Variants in EIF4G1 observed in about 807,000 individuals in gnomAD.
EIF4G1 encodes the protein EIF4-gamma.
A neutral mutation model predicts 187.8 loss-of-function variants in EIF4G1; 4 were observed. The observed-to-expected ratio is 0.02, with a 90% CI of 0.01 to 0.05. EIF4G1 has a LOEUF of 0.05. Ranked by LOEUF, EIF4G1 falls within the 10% of genes least tolerant of loss-of-function variation. The pLI is 1.00. For synonymous variants in EIF4G1, 844 were observed against 781.4 expected, an observed-to-expected ratio of 1.08 and a Z score of -1.34; for missense variants, 1,647 against 2,081.1, an observed-to-expected ratio of 0.79 and a Z score of 4.06.
rs1726907798 is a variant in EIF4G1, at chr3:184,335,304, G to A, written c.*396G>A. The A allele has an allele frequency of 4.1e-6, 1 of 243,510 alleles. No individual in the cohort carries two copies. Among genetic ancestry groups the A allele is most frequent in the African/African-American group, 2.2e-5 (1 of 44,748 alleles). 15.1% of individuals were successfully genotyped at this position (243,510 alleles called of 1,614,324 possible). On this transcript the variant is annotated 3_prime_UTR_variant, in exon 33 of 33. Coordinates refer to ENST00000346169, the MANE Select transcript of EIF4G1 (RefSeq NM_198241.3). ...ACCACCCCTGCTGTTGCCTGGGCAG[G>A]GGGAAGGGGGGGCACGGTGCCTGTA... is the stretch of plus-strand genomic sequence containing the variant.
Position 184,317,503 on chromosome 3 carries a change from G to T in EIF4G1, c.324+6G>T. On this transcript the variant is annotated splice_donor_region_variant and intron_variant, in intron 5 of 32. Coordinates refer to ENST00000346169, the MANE Select transcript of EIF4G1 (RefSeq NM_198241.3). ...CCTACTACATCCCTGGACAGGTGAG[G>T]CTGGGGGCTTGGAGCCTAGAAGCCA... 6.2e-7 allele frequency: 1 copy of T among 1,613,890 alleles called. No individual in the cohort carries two copies. Among genetic ancestry groups the T allele is most frequent in the Non-Finnish European group, 8.5e-7 (1 of 1,179,904 alleles).
In EIF4G1 at chr3:184,325,723, A is replaced by T. The variant is rs759526755; in HGVS notation, c.3121+84A>T. On this transcript the variant is annotated intron_variant, in intron 20 of 32. Coordinates refer to ENST00000346169, the MANE Select transcript of EIF4G1 (RefSeq NM_198241.3). This position sits in a 1 kb window ranked among gnomAD's most constrained non-coding sequence, Gnocchi z 5.2. ...CCTCTGATGACTTCCTGTTAGTGCC[A>T]CGTGTCTGGGCCACTGAGACACCAT... is the stretch of plus-strand genomic sequence containing the variant. The T allele has an allele frequency of 2.9e-5, 46 of 1,611,362 alleles. No homozygotes were observed. The highest frequency in any genetic ancestry group is 3.4e-5 in the Non-Finnish European group (40 of 1,177,708).
Position 184,321,665 on chromosome 3 carries a change from C to A in EIF4G1, c.1081C>A (p.Pro361Thr). ...ATCTCACACAGTGGAAATTCATGAGCCTAATGGCATGGTCCCATCTGAAGA... is the reference window on the plus strand; with the variant it reads ...ATCTCACACAGTGGAAATTCATGAGACTAATGGCATGGTCCCATCTGAAGA... The part of the protein sequence containing the change: ...LASHTVEIHE[P>T]NGMVPSEDLE... Residue 361 changes from proline to threonine, a missense_variant, in exon 10 of 33, where the codon CCT becomes ACT. Coordinates refer to ENST00000346169, the MANE Select transcript of EIF4G1 (RefSeq NM_198241.3). 1 of 1,603,966 alleles carries A rather than the reference C, an allele frequency of 6.2e-7. No homozygotes were observed. The highest frequency in any genetic ancestry group is 8.5e-7 in the Non-Finnish European group (1 of 1,173,820).
chr3:184,321,362 T>C lies in EIF4G1; in HGVS notation c.778T>C (p.Ser260Pro), dbSNP rs774914691. Residue 260 changes from serine to proline, a missense_variant, in exon 10 of 33, where the codon TCG becomes CCG. Ser to Pro is a moderately conservative substitution (Grantham distance 74). Transcript: ENST00000346169. ...PEHSPSESQP[S>P]SPSPTPSPSP... ...GCATAGCCCTTCAGAATCCCAGCCT[T>C]CGTCGCCTTCTCCGACCCCATCACC... 9.3e-6 allele frequency: 15 copies of C among 1,614,118 alleles called. No homozygotes were observed. Among genetic ancestry groups the C allele is most frequent in the Non-Finnish European group, 1.3e-5 (15 of 1,180,032 alleles).
chr3:184,335,143 A>G lies in EIF4G1; in HGVS notation c.*235A>G, dbSNP rs1726880343. 1.3e-5 allele frequency: 7 copies of G among 549,118 alleles called. No homozygotes were observed. Among genetic ancestry groups the G allele is most frequent in the Middle Eastern group, 4.9e-4 (1 of 2,036 alleles). The allele number at this position is 549,118 out of a possible 1,614,324, so 34.0% of individuals were successfully genotyped here. ...TGGGGCACAGAGATATATTATATAT[A>G]AAGTCTTGAAATTTGGTGTGTCTTG... is the stretch of plus-strand genomic sequence containing the variant. On this transcript the variant is annotated 3_prime_UTR_variant, in exon 33 of 33. Coordinates refer to ENST00000346169, the MANE Select transcript of EIF4G1 (RefSeq NM_198241.3).
rs199673780 is a variant in EIF4G1 at position 184,319,684 on chromosome 3, C to T, written c.425-5C>T. The T allele has an allele frequency of 1.3e-6, 2 of 1,574,366 alleles. No individual in the cohort carries two copies. Among genetic ancestry groups the T allele is most frequent in the Admixed American group, 1.8e-5 (1 of 54,208 alleles). ...ACCATTCTTCTCCGTCCCCCCTCCC[C>T]CAAGCTGGCGCCTACTATCCAGCCC... On this transcript the variant is annotated splice_region_variant and splice_polypyrimidine_tract_variant and intron_variant, in intron 6 of 32. Coordinates refer to ENST00000346169, the MANE Select transcript of EIF4G1 (RefSeq NM_198241.3).
intron 28 of EIF4G1, among the ~76,000 whole-genome samples, chr3:184,330,723 G>A (rs1416971693): frequency 1.3e-5 from 2 of 152,078 alleles, no homozygotes; most frequent in South Asian, 2.1e-4. Context: ...TGGTGGACAA[G>A]TTCTCTTTTA....
At chr3:184,332,183 A>G (rs151156046) in intron 32 of EIF4G1, 97 bp downstream of exon 32, 32 of 1,558,978 alleles carry the variant, frequency 2.1e-5, no homozygotes, top group African/African-American at 2.7e-5. Context: ...CAAGAAAGGT[A>G]GGTAGTCATT....
chr3:184,317,276 C>G, intron 4 of EIF4G1, 45 bp from the exon 5 acceptor site: 1 of 1,611,000 alleles, frequency 6.2e-7, no homozygotes, highest in Non-Finnish European at 8.5e-7. Flanking sequence ...TTTTTGTCCA[C>G]TTCCTTCTCT....
At chr3:184,329,822 A>G (rs1404460439) in intron 28 of EIF4G1, among the ~76,000 whole-genome samples, 7 of 152,196 alleles carry the variant, frequency 4.6e-5, no homozygotes. Context: ...ATAAAGGTAA[A>G]GAGATGGGGA....
chr3:184,316,212 C>T lies in EIF4G1; in HGVS notation c.141C>T (p.Pro47=). ...CACAAATGAACACGCCTTCTCAGCC[C>T]CGCCAGGTGAGGGGCTGTGGGGAGG... The part of the protein sequence containing the change: ...QATQMNTPSQ[P]RQHFYPSRAQ... Residue 47 remains proline, a synonymous_variant, in exon 4 of 33, where the codon CCC becomes CCT. Coordinates refer to ENST00000346169, the MANE Select transcript of EIF4G1 (RefSeq NM_198241.3). The T allele has an allele frequency of 3.1e-6, 5 of 1,614,088 alleles. No homozygotes were observed. Among genetic ancestry groups the T allele is most frequent in the Non-Finnish European group, 3.4e-6 (4 of 1,180,016 alleles).
chr3:184,317,219 C>A, intron 4 of EIF4G1, 102 bp from the exon 5 acceptor site: 1 of 1,363,490 alleles, frequency 7.3e-7, no homozygotes, highest in South Asian at 1.2e-5. Context: ...TGTTCTGAAG[C>A]CCACAGTACT....
rs766429596 is a variant in EIF4G1, at chr3:184,325,165, CACTGAGCCCACAATGATGGGGCGG to C, written c.2856+53_2856+76del. On this transcript the variant is annotated intron_variant, in intron 18 of 32. Coordinates refer to ENST00000346169, the MANE Select transcript of EIF4G1 (RefSeq NM_198241.3). This position sits in a 1 kb window ranked among gnomAD's most constrained non-coding sequence, Gnocchi z 5.2. ...GATGGGCTGAAGCATATGTGGGGCT[CACTGAGCCCACAATGATGGGGCGG>C]AAGGCCTGAGGAGGGGTGGGGCCTG... 4.4e-6 allele frequency: 7 copies of C among 1,602,050 alleles called. 1 individual carries two copies. In the Admixed American group the frequency reaches 5.0e-5, roughly 11 times the overall value.
rs1363955884 is a variant in EIF4G1, at chr3:184,326,936, A to G, written c.3381A>G (p.Gln1127=). The G allele has an allele frequency of 6.2e-7, 1 of 1,614,136 alleles. No homozygotes were observed. The highest frequency in any genetic ancestry group is 8.5e-7 in the Non-Finnish European group (1 of 1,180,060). Residue 1127 remains glutamine (Q), a synonymous_variant, in exon 23 of 33, where the codon CAA becomes CAG. Coordinates refer to ENST00000346169, the MANE Select transcript of EIF4G1 (RefSeq NM_198241.3). ...CTTTGAATCGCTTCTCAGCCCTTCAACAAGCGGTACCCACAGAAAGCACAG... is the reference window on the plus strand; with the variant it reads ...CTTTGAATCGCTTCTCAGCCCTTCAGCAAGCGGTACCCACAGAAAGCACAG... ...TSTLNRFSAL[Q]QAVPTESTDN...
At position 184,317,829 on chromosome 3, in the gene EIF4G1, G is replaced by A; in HGVS notation, c.424+13G>A. The A allele has an allele frequency of 6.3e-7, 1 of 1,591,170 alleles. No homozygotes were observed. Among genetic ancestry groups the A allele is most frequent in the Non-Finnish European group, 8.6e-7 (1 of 1,159,338 alleles). The stretch of plus-strand genomic sequence containing the variant: ...TTTGGGACCTACGGTAAGCAGGGGA[G>A]GGAGTCAGAGGTGAGAACAAGCCCA... On this transcript the variant is annotated intron_variant, in intron 6 of 32. Transcript: ENST00000346169.
rs773350370 is a variant in EIF4G1 at position 184,323,005 on chromosome 3, G to A, written c.1929+51G>A. 1.2e-6 allele frequency: 2 copies of A among 1,614,172 alleles called. No homozygotes were observed. Among genetic ancestry groups the A allele is most frequent in the Admixed American group, 3.3e-5 (2 of 60,026 alleles). ...ACGATAAGTTTGTGCTGGATGGATT[G>A]GGGAGGAGCCTGAGGTCCTGAAAGA... On this transcript the variant is annotated intron_variant, in intron 13 of 32. Transcript: ENST00000346169. This position sits in a 1 kb window ranked among gnomAD's most constrained non-coding sequence, Gnocchi z 6.9.
In EIF4G1 at chr3:184,319,677, C is replaced by T. The variant is rs563925121; in HGVS notation, c.425-12C>T. On this transcript the variant is annotated splice_polypyrimidine_tract_variant and intron_variant, in intron 6 of 32. Coordinates refer to ENST00000346169, the MANE Select transcript of EIF4G1 (RefSeq NM_198241.3). ...CGCTACCACCATTCTTCTCCGTCCCCCCTCCCCCAAGCTGGCGCCTACTAT... is the reference window on the plus strand; with the variant it reads ...CGCTACCACCATTCTTCTCCGTCCCTCCTCCCCCAAGCTGGCGCCTACTAT... The T allele has an allele frequency of 1.8e-5, 28 of 1,533,504 alleles. No homozygotes were observed. In the East Asian group the frequency reaches 3.3e-4, roughly 18 times the overall value. 95.0% of individuals were successfully genotyped at this position (1,533,504 alleles called of 1,614,324 possible).
intron 4 of EIF4G1, 43 bp downstream of exon 4, chr3:184,316,261 C>G (rs1722756341): frequency 6.2e-7 from 1 of 1,608,522 alleles, no homozygotes; most frequent in African/African-American, 1.3e-5. Context: ...TGGGTGGGAG[C>G]AGTGGAAAGC....
Position 184,317,705 on chromosome 3 carries a change from C to A in EIF4G1, c.325-12C>A. 6.2e-7 allele frequency: 1 copy of A among 1,611,652 alleles called. No homozygotes were observed. The highest frequency in any genetic ancestry group is 8.5e-7 in the Non-Finnish European group (1 of 1,177,766). On this transcript the variant is annotated splice_polypyrimidine_tract_variant and intron_variant, in intron 5 of 32. Coordinates refer to ENST00000346169, the MANE Select transcript of EIF4G1 (RefSeq NM_198241.3). ...CTCAACTCCTTCTCTCCCTCTCCCC[C>A]TTCCCCACCAGGGGCGTTCCACATA...
Sources: allele counts gnomAD v4.1 joint callset (sites outside exome capture counted in the v4.1 genomes callset), GRCh38; gene constraint gnomAD v4.1.1; non-coding constraint Gnocchi (gnomAD v3.1); transcripts MANE v1.5; gene names NCBI Gene and HGNC (gene_info 2026-07-23, HGNC 2026-07-21).